Variants in SORCS3 observed in about 807,000 individuals in gnomAD.
SORCS3 encodes the protein VPS10 domain-containing receptor SorCS3.
A neutral mutation model predicts 146.3 loss-of-function variants in SORCS3; 57 were observed. The ratio of observed to expected loss-of-function variants is 0.39; its 90% CI spans 0.31 to 0.49. The LOEUF is 0.49. Among genes scored for constraint, SORCS3 ranks in the 20% least tolerant of loss-of-function variants. The pLI is 0.92. For synonymous variants in SORCS3, 653 were observed against 618.5 expected, an observed-to-expected ratio of 1.06 and a Z score of -0.83; for missense variants, 1,341 against 1,575.5, an observed-to-expected ratio of 0.85 and a Z score of 2.52.
At chr10:105,108,107 A>G (rs2055835586) in intron 7 of SORCS3, among the ~76,000 whole-genome samples, 1 of 152,288 alleles carries the variant, frequency 6.6e-6, no homozygotes, top group Non-Finnish European at 1.5e-5. Flanking sequence ...TAAATCAGGG[A>G]CTGTGAATAT....
chr10:105,155,353 A>C (rs1459813819), intron 9 of SORCS3, among the ~76,000 whole-genome samples: 1 of 152,174 alleles, frequency 6.6e-6, no homozygotes, highest in Non-Finnish European at 1.5e-5. Context: ...AAGGTGTCTG[A>C]GTCTGATCCA....
intron 1 of SORCS3, among the ~76,000 whole-genome samples, chr10:104,647,657 G>C (rs754993124): frequency 6.6e-6 from 1 of 152,192 alleles, no homozygotes; most frequent in Non-Finnish European, 1.5e-5. Context: ...CACCTGGGGA[G>C]TTGGACTGTG....
At chr10:105,236,747 G>T (rs1589702645) in intron 20 of SORCS3, among the ~76,000 whole-genome samples, 1 of 152,074 alleles carries the variant, frequency 6.6e-6, no homozygotes, top group Admixed American at 6.6e-5. Flanking sequence ...CAAAGCAATT[G>T]GGGATTCTAG....
Position 104,993,116 on chromosome 10 carries a change from A to G in SORCS3, c.954+15623A>G, listed in dbSNP as rs556297195. 2.0e-5 allele frequency among the ~76,000 whole-genome samples: 3 copies of G among 152,348 alleles called. No individual in the cohort carries two copies. The South Asian group carries it at 6.2e-4, about 32-fold the overall frequency. On this transcript the variant is annotated intron_variant, in intron 4 of 26. Coordinates refer to ENST00000369701, the MANE Select transcript of SORCS3 (RefSeq NM_014978.3). ...ACCATGACAAGAATCAAAGGACATC[A>G]TAGATCTGATGGTCTGATTGCCTAC... is the stretch of plus-strand genomic sequence containing the variant.
At chr10:104,726,071 G>A (rs945765694) in intron 1 of SORCS3, among the ~76,000 whole-genome samples, 3 of 152,184 alleles carry the variant, frequency 2.0e-5, no homozygotes, top group Admixed American at 6.5e-5. Context: ...CATCGCTCAC[G>A]CTGGGTGCTG....
intron 7 of SORCS3, among the ~76,000 whole-genome samples, chr10:105,125,843 G>A (rs1000811644): frequency 5.3e-5 from 8 of 152,106 alleles, no homozygotes; most frequent in Admixed American, 6.6e-5. Context: ...GTCAGCAGAT[G>A]TTGGACCTCA....
intron 2 of SORCS3, among the ~76,000 whole-genome samples, chr10:104,895,681 C>T (rs2018790939): frequency 6.6e-6 from 1 of 152,154 alleles, no homozygotes; most frequent in South Asian, 2.1e-4. Flanking sequence ...TGAGTTCTGG[C>T]TTTGATGGCA....
intron 1 of SORCS3, among the ~76,000 whole-genome samples, chr10:104,696,093 A>ATATAATATATATCATATACACATATTAT (rs755039152): frequency 5.6e-5 from 1 of 17,788 alleles, no homozygotes; most frequent in Non-Finnish European, 1.5e-4. Context: ...ACACATATAT[A>ATATAATATATATCATATACACATATTAT]ATATATCATA....
chr10:104,768,470 G>A (rs1488698186), intron 1 of SORCS3, among the ~76,000 whole-genome samples: 1 of 152,172 alleles, frequency 6.6e-6, no homozygotes, highest in Non-Finnish European at 1.5e-5. Context: ...TTAAGGAGAA[G>A]TTGTGGTTGA....
intron 3 of SORCS3, among the ~76,000 whole-genome samples, chr10:104,953,897 A>C (rs1329174470): frequency 6.6e-6 from 1 of 152,220 alleles, no homozygotes; most frequent in Non-Finnish European, 1.5e-5. Flanking sequence ...ATTAGCTGGT[A>C]AAATAGCAAC....
At chr10:105,227,566 G>A (rs1414586173) in intron 20 of SORCS3, among the ~76,000 whole-genome samples, 1 of 151,994 alleles carries the variant, frequency 6.6e-6, no homozygotes, top group Non-Finnish European at 1.5e-5. Flanking sequence ...GGTCCATTTG[G>A]TCTAATGTGC....
rs771029154 is a variant in SORCS3, at chr10:104,671,325, C to CTTTTTTTTTTTTTTTTTTTTTTTTTTTTT, written c.627+29398_627+29399insTTTTTTTTTTTTTTTTTTTTTTTTTTTTT. On this transcript the variant is annotated intron_variant, in intron 1 of 26. Coordinates refer to ENST00000369701, the MANE Select transcript of SORCS3 (RefSeq NM_014978.3). The stretch of plus-strand genomic sequence containing the variant: ...ATGTTAAGGTAGTTTCATTCTTTTC[C>CTTTTTTTTTTTTTTTTTTTTTTTTTTTTT]TTTTTTTTTTTTTTTTTTTTTTTTT... Among the ~76,000 whole-genome samples, 12 of 19,202 alleles carry CTTTTTTTTTTTTTTTTTTTTTTTTTTTTT rather than the reference C, an allele frequency of 6.2e-4. 5 individuals carry two copies. The highest frequency in any genetic ancestry group is 4.5e-3 in the East Asian group (2 of 446). The allele number at this position is 19,202 out of a possible 152,430, so 12.6% of individuals were successfully genotyped here.
intron 3 of SORCS3, among the ~76,000 whole-genome samples, chr10:104,973,199 G>T (rs2054871776): frequency 6.6e-6 from 1 of 152,254 alleles, no homozygotes; most frequent in South Asian, 2.1e-4. Flanking sequence ...TGAGGATGAT[G>T]CTGGCCTCAT....
chr10:104,767,525 T>A (rs1010413301), intron 1 of SORCS3, among the ~76,000 whole-genome samples: 3 of 152,104 alleles, frequency 2.0e-5, no homozygotes, highest in Non-Finnish European at 2.9e-5. Context: ...TATCAGTACA[T>A]GTCTTTGGAA....
At chr10:104,670,143 T>C (rs2133256428) in intron 1 of SORCS3, among the ~76,000 whole-genome samples, 1 of 152,278 alleles carries the variant, frequency 6.6e-6, no homozygotes, top group East Asian at 1.9e-4. Context: ...GATGTATGAT[T>C]TGCAAATATT....
chr10:105,069,560 A>C (rs1440543630), intron 5 of SORCS3, among the ~76,000 whole-genome samples: 1 of 152,132 alleles, frequency 6.6e-6, no homozygotes, highest in African/African-American at 2.4e-5. Context: ...CTGAGTTTAG[A>C]TCTGTTAATA....
chr10:104,846,234 T>C (rs1195167613), intron 2 of SORCS3, among the ~76,000 whole-genome samples: 2 of 152,150 alleles, frequency 1.3e-5, no homozygotes, highest in Non-Finnish European at 1.5e-5. Context: ...TGGGACCTCA[T>C]CGGGAGTCTT....
chr10:104,870,710 A>G (rs2018510543), intron 2 of SORCS3, among the ~76,000 whole-genome samples: 1 of 152,170 alleles, frequency 6.6e-6, no homozygotes, highest in Non-Finnish European at 1.5e-5. Flanking sequence ...TGGCTGTGAT[A>G]CGGTCATTTT....
chr10:104,823,203 C>A (rs1265868981), intron 1 of SORCS3, among the ~76,000 whole-genome samples: 1 of 152,074 alleles, frequency 6.6e-6, no homozygotes, highest in African/African-American at 2.4e-5. Flanking sequence ...GAGCAGGTTT[C>A]CAAGACAGGG....
Sources: gnomAD v4.1 joint callset for allele counts (sites outside exome capture counted in the v4.1 genomes callset) on GRCh38, gnomAD v4.1.1 for gene constraint, MANE v1.5 for transcripts, NCBI Gene and HGNC (gene_info 2026-07-23, HGNC 2026-07-21) for gene names.